RBFOX3: variants seen among roughly 807,000 people sequenced by gnomAD.
RBFOX3 encodes RNA binding protein fox-1 homolog 3.
In RBFOX3, 17 loss-of-function variants were observed where a neutral mutation model predicts 48.7. The observed-to-expected ratio is 0.35, with a 90% CI of 0.24 to 0.52. The LOEUF (loss-of-function observed/expected upper bound fraction) is 0.52. Ranked by LOEUF, RBFOX3 falls within the 20% of genes least tolerant of loss-of-function variation. The probability of loss-of-function intolerance (pLI) is 0.94; values close to 1 mark genes in which losing one functional copy is unlikely to be tolerated. For missense variants in RBFOX3, 382 were observed against 497.5 expected (o/e 0.77, Z 2.21); for synonymous variants, 212 against 209.5 (o/e 1.01, Z -0.10).
chr17:79,095,392 T>C lies in RBFOX3; in HGVS notation c.998+121A>G, dbSNP rs2075010192. On this transcript the variant is annotated intron_variant, in intron 13 of 14. Coordinates refer to ENST00000693108, the MANE Select transcript of RBFOX3 (RefSeq NM_001350451.2). ...CAGACCTGCTCCCCTGTCCCGACCC[T>C]ACTCCCGCCAGGCCTGGAAGAGTGG... 8 of 845,378 alleles carry C rather than the reference T, an allele frequency of 9.5e-6. No homozygotes were observed. The South Asian group carries it at 1.3e-4, about 13-fold the overall frequency. 52.4% of individuals were successfully genotyped at this position (845,378 alleles called of 1,614,324 possible). A position where few individuals can be genotyped will look rare whatever the true frequency, so the allele number is the denominator to read the frequency against.
chr17:79,282,878 C>A (rs1036222324), intron 3 of RBFOX3, among the ~76,000 whole-genome samples: 2 of 152,256 alleles, frequency 1.3e-5, no homozygotes, highest in African/African-American at 2.4e-5. Context: ...ACAAGACTGA[C>A]CCTCAGCTCT....
Position 79,274,201 on chromosome 17 carries a change from G to T in RBFOX3, c.-74+33523C>A, listed in dbSNP as rs112671203. Reference sequence around the variant, plus strand: ...GTACCCCTCCTACAATTGTTCTCAAGATGTGCTCCTGCCTTTTGGCTGGAG... The same window carrying T: ...GTACCCCTCCTACAATTGTTCTCAATATGTGCTCCTGCCTTTTGGCTGGAG... On this transcript the variant is annotated intron_variant, in intron 3 of 14. Coordinates refer to ENST00000693108, the MANE Select transcript of RBFOX3 (RefSeq NM_001350451.2). Among the ~76,000 whole-genome samples the T allele has an allele frequency of 1.3e-3, 193 of 152,294 alleles. 1 individual carries two copies. Among genetic ancestry groups the T allele is most frequent in the African/African-American group, 4.3e-3 (177 of 41,558 alleles).
At chr17:79,276,399 T>G (rs1327612528) in intron 3 of RBFOX3, among the ~76,000 whole-genome samples, 1 of 152,188 alleles carries the variant, frequency 6.6e-6, no homozygotes, top group Non-Finnish European at 1.5e-5. Context: ...AAAATAATGT[T>G]TCTTGACCAG....
intron 1 of RBFOX3, among the ~76,000 whole-genome samples, chr17:79,503,374 AT>A (rs2082624614): frequency 6.6e-6 from 1 of 152,212 alleles, no homozygotes; most frequent in South Asian, 2.1e-4. Context: ...AACACATGGG[AT>A]TTTACATGTT....
At chr17:79,192,879 C>T (rs1334552940) in intron 4 of RBFOX3, among the ~76,000 whole-genome samples, 2 of 152,236 alleles carry the variant, frequency 1.3e-5, no homozygotes, top group Non-Finnish European at 2.9e-5. Context: ...GGGCCCTGCA[C>T]ACTCTCACTG....
In RBFOX3 at chr17:79,311,169, A is replaced by C. The variant is rs2076798089; in HGVS notation, c.-174-3345T>G. ...CAGCACCAGCTGGGCGCAGTGGCTC[A>C]CGCCTATAATCCCAGCACTTTGGGA... On this transcript the variant is annotated intron_variant, in intron 2 of 14. Coordinates refer to ENST00000693108, the MANE Select transcript of RBFOX3 (RefSeq NM_001350451.2). This position sits in a 1 kb window ranked among gnomAD's most constrained non-coding sequence, Gnocchi z 4.2. 6.6e-6 allele frequency among the ~76,000 whole-genome samples: 1 copy of C among 152,158 alleles called. No homozygotes were observed. Among genetic ancestry groups the C allele is most frequent in the South Asian group, 2.1e-4 (1 of 4,824 alleles).
At chr17:79,620,167 ACACACATGCACACACATGTGCACATG>A in the RBFOX3 span, among the ~76,000 whole-genome samples, 124 of 131,882 alleles carry the variant, frequency 9.4e-4, no homozygotes, top group Admixed American at 9.1e-3. Context: ...GCGGACATGC[ACACACATGCACACACATGTGCACATG>A]CACACACGTG....
chr17:79,506,519 G>A (rs2149791696), intron 1 of RBFOX3, among the ~76,000 whole-genome samples: 1 of 152,320 alleles, frequency 6.6e-6, no homozygotes, highest in African/African-American at 2.4e-5. Context: ...CAAGAGGAGT[G>A]CTCCAGTGGC....
intron 1 of RBFOX3, among the ~76,000 whole-genome samples, chr17:79,553,174 T>C (rs1419820228): frequency 6.6e-6 from 1 of 152,234 alleles, no homozygotes; most frequent in African/African-American, 2.4e-5. Context: ...TTGCTGAATG[T>C]TTATCAAGAA....
intron 2 of RBFOX3, among the ~76,000 whole-genome samples, chr17:79,353,520 T>G (rs74822782): frequency 1.5e-3 from 223 of 152,294 alleles, no homozygotes; most frequent in African/African-American, 5.3e-3. Context: ...ATATAGCAGC[T>G]AAGATGCCAC....
At chr17:79,625,859 G>A in the RBFOX3 span, among the ~76,000 whole-genome samples, 6 of 152,336 alleles carry the variant, frequency 3.9e-5, no homozygotes, top group South Asian at 2.1e-4. Flanking sequence ...GCCCACACAC[G>A]TGCGCAGACG....
the RBFOX3 span, among the ~76,000 whole-genome samples, chr17:79,637,670 G>A: frequency 6.6e-6 from 1 of 150,554 alleles, no homozygotes; most frequent in Non-Finnish European, 1.5e-5. Flanking sequence ...ACTCCAGCTT[G>A]GGCAACAAGA....
intron 2 of RBFOX3, among the ~76,000 whole-genome samples, chr17:79,476,406 C>G (rs2077767083): frequency 6.6e-6 from 1 of 152,178 alleles, no homozygotes; most frequent in African/African-American, 2.4e-5. Flanking sequence ...TGCCAAAAAG[C>G]AGTTTTATCC....
rs557457155 is a variant in RBFOX3 at position 79,094,713 on chromosome 17, A to G, written c.999-184T>C. Among the ~76,000 whole-genome samples the G allele has an allele frequency of 2.0e-5, 3 of 148,392 alleles. No homozygotes were observed. The East Asian group carries it at 6.2e-4, about 31-fold the overall frequency. On this transcript the variant is annotated intron_variant, in intron 13 of 14. Transcript: ENST00000693108. ...CTACCCCTCCTTCTTGTTAAGAAGG[A>G]AGCTTCTGGAACACAACAGGCAACC...
chr17:79,475,549 C>T (rs2149415535), intron 2 of RBFOX3, among the ~76,000 whole-genome samples: 1 of 152,198 alleles, frequency 6.6e-6, no homozygotes, highest in Admixed American at 6.5e-5. Context: ...GGGAATGTGG[C>T]CTTAGTTGGA....
chr17:79,487,445 A>C (rs937223496), intron 1 of RBFOX3, among the ~76,000 whole-genome samples: 18 of 152,210 alleles, frequency 1.2e-4, no homozygotes, highest in African/African-American at 4.3e-4. Context: ...CTAGGAAAGA[A>C]TGTGCTGAGA....
chr17:79,166,488 G>A (rs957401655), intron 4 of RBFOX3, among the ~76,000 whole-genome samples: 5 of 151,892 alleles, frequency 3.3e-5, no homozygotes, highest in African/African-American at 9.7e-5. Flanking sequence ...GAGTCCAAGA[G>A]CCACCCACGG....
Position 79,097,403 on chromosome 17 carries a change from G to A in RBFOX3, c.644C>T (p.Thr215Ile). 3 of 1,547,820 alleles carry A rather than the reference G, an allele frequency of 1.9e-6. No individual in the cohort carries two copies. The highest frequency in any genetic ancestry group is 2.6e-6 in the Non-Finnish European group (3 of 1,145,878). ...CCGGTAGGCAACGGCTGTGCCGGTG[G>A]TGGGGTAGGGGAACCCCGTCACTGC... Reference protein sequence around the residue: ...FYAVTGFPYPTTGTAVAYRGA... With the variant: ...FYAVTGFPYPITGTAVAYRGA... Residue 215 changes from threonine (T) to isoleucine (I), a missense_variant, in exon 11 of 15, where the codon ACC becomes ATC. By Grantham distance (89) the Thr-to-Ile change is moderately conservative. Transcript: ENST00000693108.
In RBFOX3 at chr17:79,479,578, A is replaced by T. The variant is rs2078477618; in HGVS notation, c.-175+2876T>A. Among the ~76,000 whole-genome samples the T allele has an allele frequency of 1.3e-5, 2 of 152,250 alleles. No homozygotes were observed. The highest frequency in any genetic ancestry group is 1.3e-4 in the Admixed American group (2 of 15,290). On this transcript the variant is annotated intron_variant, in intron 2 of 14. Transcript: ENST00000693108. The surrounding 1 kb of genome is among the most constrained non-coding windows in gnomAD (Gnocchi z 5.1). Reference sequence around the variant, plus strand: ...CTTTGGAATCAACAAGGGGCTGGACAGTGAACACACCGAGGGAAGCAGCTC... The same window carrying T: ...CTTTGGAATCAACAAGGGGCTGGACTGTGAACACACCGAGGGAAGCAGCTC...
Sources: allele counts gnomAD v4.1 joint callset (sites outside exome capture counted in the v4.1 genomes callset), GRCh38; gene constraint gnomAD v4.1.1; non-coding constraint Gnocchi (gnomAD v3.1); transcripts MANE v1.5; gene names NCBI Gene and HGNC (gene_info 2026-07-23, HGNC 2026-07-21).